The following MARCHF3 variants were observed in gnomAD, a reference collection of about 807,000 sequenced individuals.
The protein encoded by MARCHF3 is membrane associated ring-CH-type finger 3, also known as E3 ubiquitin-protein ligase MARCHF3.
A neutral mutation model predicts 24.2 loss-of-function variants in MARCHF3; 13 were observed. The observed-to-expected ratio is 0.54, with a 90% CI of 0.35 to 0.85. The LOEUF (loss-of-function observed/expected upper bound fraction) is 0.85, where lower values mean the gene tolerates loss of function less well. Ranked by LOEUF, MARCHF3 falls within the 40% of genes least tolerant of loss-of-function variation. The pLI is 0.01. For missense variants in MARCHF3, 276 were observed against 325.0 expected, an observed-to-expected ratio of 0.85 and a Z score of 1.16; for synonymous variants, 144 against 137.3, an observed-to-expected ratio of 1.05 and a Z score of -0.34.
intron 1 of MARCHF3, among the ~76,000 whole-genome samples, chr5:126,991,795 C>A (rs1481826770): frequency 6.6e-6 from 1 of 152,058 alleles, no homozygotes; most frequent in Admixed American, 6.5e-5. Context: ...CTTCCATTCT[C>A]ACTGTATTCT....
At chr5:126,943,149 C>A (rs1198054666) in intron 1 of MARCHF3, among the ~76,000 whole-genome samples, 3 of 152,092 alleles carry the variant, frequency 2.0e-5, no homozygotes, top group African/African-American at 7.2e-5. Context: ...CAAAAATTAG[C>A]CTGGCCTGGT....
chr5:126,935,122 G>A (rs1443361350), intron 1 of MARCHF3, among the ~76,000 whole-genome samples: 1 of 152,158 alleles, frequency 6.6e-6, no homozygotes, highest in Non-Finnish European at 1.5e-5. Context: ...TAGGTGTGAT[G>A]GCTAATTTTA....
At chr5:127,014,263 G>A (rs986514225) in intron 1 of MARCHF3, among the ~76,000 whole-genome samples, 2 of 152,038 alleles carry the variant, frequency 1.3e-5, no homozygotes, top group Non-Finnish European at 2.9e-5. Flanking sequence ...GCTCAGCATC[G>A]CTGATAGAGA....
chr5:126,970,051 C>T (rs1750950190), intron 1 of MARCHF3, among the ~76,000 whole-genome samples: 1 of 151,874 alleles, frequency 6.6e-6, no homozygotes, highest in Non-Finnish European at 1.5e-5. Context: ...TTTCAGGTTC[C>T]AGGCTTATGC....
At chr5:126,948,935 C>T (rs775022875) in intron 1 of MARCHF3, among the ~76,000 whole-genome samples, 4 of 151,980 alleles carry the variant, frequency 2.6e-5, no homozygotes, top group Admixed American at 6.6e-5. Context: ...TGTCGGCCTA[C>T]AGTGGTGGAG....
Position 127,020,307 on chromosome 5 carries a change from C to A in MARCHF3, c.-57+10043G>T, listed in dbSNP as rs75644978. The stretch of plus-strand genomic sequence containing the variant: ...AGGCCAGATGTTAAGGAAGCAAAAA[C>A]AGCTTCACACTGTTTAGGGACAAGA... On this transcript the variant is annotated intron_variant, in intron 1 of 4. Coordinates refer to ENST00000308660, the MANE Select transcript of MARCHF3 (RefSeq NM_178450.5). 7.8e-3 allele frequency among the ~76,000 whole-genome samples: 1,192 copies of A among 152,292 alleles called. 10 individuals are homozygous for A. Among genetic ancestry groups the A allele is most frequent in the African/African-American group, 0.027 (1,142 of 41,552 alleles).
intron 3 of MARCHF3, among the ~76,000 whole-genome samples, chr5:126,909,733 C>G (rs1354704793): frequency 2.6e-5 from 4 of 152,174 alleles, no homozygotes; most frequent in African/African-American, 9.7e-5. Context: ...GTGAGATGAA[C>G]CTGGTACCTC....
chr5:126,934,875 T>C (rs915399847), intron 1 of MARCHF3, among the ~76,000 whole-genome samples: 2 of 152,288 alleles, frequency 1.3e-5, no homozygotes, highest in Non-Finnish European at 2.9e-5. Context: ...CAGGTCCCGA[T>C]TTGCTGTGTG....
chr5:126,993,200 G>A (rs1046403289), intron 1 of MARCHF3, among the ~76,000 whole-genome samples: 3 of 152,188 alleles, frequency 2.0e-5, no homozygotes, highest in African/African-American at 7.2e-5. Context: ...TACAGCAACA[G>A]GCAGACAGCA....
chr5:127,005,303 T>G (rs1752271101), intron 1 of MARCHF3, among the ~76,000 whole-genome samples: 1 of 151,900 alleles, frequency 6.6e-6, no homozygotes, highest in Non-Finnish European at 1.5e-5. Flanking sequence ...GCCTAGCTAA[T>G]TTTTATATTT....
chr5:126,929,583 A>T (rs1301742231), intron 1 of MARCHF3, among the ~76,000 whole-genome samples: 1 of 152,248 alleles, frequency 6.6e-6, no homozygotes, highest in East Asian at 1.9e-4. Context: ...TACACAAAAA[A>T]GTCATGAGCA....
intron 3 of MARCHF3, among the ~76,000 whole-genome samples, chr5:126,908,826 A>C (rs1754399258): frequency 2.0e-5 from 3 of 152,060 alleles, no homozygotes; most frequent in Admixed American, 6.5e-5. Flanking sequence ...CAGCTCCTCA[A>C]AGTCATTCTC....
intron 1 of MARCHF3, among the ~76,000 whole-genome samples, chr5:126,955,948 T>C (rs1034440954): frequency 6.6e-6 from 1 of 152,234 alleles, no homozygotes; most frequent in African/African-American, 2.4e-5. Context: ...AGGCCCTTAA[T>C]ACATTTAAAA....
chr5:126,926,331 T>C (rs1175171525), intron 1 of MARCHF3, among the ~76,000 whole-genome samples: 1 of 152,136 alleles, frequency 6.6e-6, no homozygotes, highest in Non-Finnish European at 1.5e-5. Flanking sequence ...CAGGCTCAGG[T>C]AGGCTGGGCC....
At chr5:126,968,897 C>T (rs1750905367) in intron 1 of MARCHF3, among the ~76,000 whole-genome samples, 1 of 152,096 alleles carries the variant, frequency 6.6e-6, no homozygotes, top group South Asian at 2.1e-4. Context: ...TTTATATGTT[C>T]TGGATACTAG....
intron 1 of MARCHF3, among the ~76,000 whole-genome samples, chr5:126,948,778 T>C (rs1390903891): frequency 6.6e-6 from 1 of 152,156 alleles, no homozygotes; most frequent in Non-Finnish European, 1.5e-5. Context: ...CTAATAACTG[T>C]GGATGAAACC....
chr5:127,010,788 A>G (rs1752446423), intron 1 of MARCHF3, among the ~76,000 whole-genome samples: 1 of 152,212 alleles, frequency 6.6e-6, no homozygotes, highest in South Asian at 2.1e-4. Flanking sequence ...TCAGGACATT[A>G]TACCAACTGT....
In MARCHF3 at chr5:126,869,604, T is replaced by TTTTTTG. The variant is rs397999207; in HGVS notation, c.*1028_*1029insCAAAAA. 4 of 148,020 alleles carry TTTTTTG rather than the reference T, an allele frequency of 2.7e-5. No homozygotes were observed. The highest frequency in any genetic ancestry group is 1.0e-4 in the African/African-American group (4 of 39,602). The allele number at this position is 148,020 out of a possible 1,614,324, so 9.2% of individuals were successfully genotyped here. On this transcript the variant is annotated 3_prime_UTR_variant, in exon 5 of 5. Coordinates refer to ENST00000308660, the MANE Select transcript of MARCHF3 (RefSeq NM_178450.5). ...AGGCTTTTTTTTTTTTTTTTTTTTT[T>TTTTTTG]GCCACATCTACCTGTCAAGCTAGAA...
Position 126,870,623 on chromosome 5 carries a change from C to T in MARCHF3, c.*10G>A, listed in dbSNP as rs746071821. The stretch of plus-strand genomic sequence containing the variant: ...ACAATGAATCAAACAACCAACCAAC[C>T]ATACAAACATCAAACAACTGTCTCC... On this transcript the variant is annotated 3_prime_UTR_variant, in exon 5 of 5. Coordinates refer to ENST00000308660, the MANE Select transcript of MARCHF3 (RefSeq NM_178450.5). 6 of 1,613,488 alleles carry T rather than the reference C, an allele frequency of 3.7e-6. No individual in the cohort carries two copies. In the African/African-American group the frequency reaches 8.0e-5, roughly 22 times the overall value.
Sources: gnomAD v4.1 joint callset for allele counts (sites outside exome capture counted in the v4.1 genomes callset) on GRCh38, gnomAD v4.1.1 for gene constraint, MANE v1.5 for transcripts, NCBI Gene and HGNC (gene_info 2026-07-23, HGNC 2026-07-21) for gene names.